CACNA1A: variants seen among roughly 807,000 people sequenced by gnomAD.
The protein encoded by CACNA1A is calcium voltage-gated channel subunit alpha1 A, also known as voltage-dependent P/Q-type calcium channel subunit alpha-1A.
CACNA1A carries 57 observed loss-of-function variants against 262.4 expected under a neutral mutation model. The observed-to-expected ratio is 0.22, with a 90% CI of 0.18 to 0.27. The LOEUF is 0.27. CACNA1A is among the 10% of genes least tolerant of loss of function. CACNA1A has a pLI of 1.00. For synonymous variants in CACNA1A, 1,431 were observed against 1,419.3 expected, an observed-to-expected ratio of 1.01 and a Z score of -0.18; for missense variants, 2,526 against 3,562.8, an observed-to-expected ratio of 0.71 and a Z score of 7.41.
chr19:13,504,751 T>TC (rs1426621179), intron 1 of CACNA1A, among the ~76,000 whole-genome samples: 3 of 151,862 alleles, frequency 2.0e-5, no homozygotes, highest in African/African-American at 7.3e-5. Flanking sequence ...GCAGGGTGTG[T>TC]CCCCCCTCCT....
intron 6 of CACNA1A, among the ~76,000 whole-genome samples, chr19:13,337,083 C>T: frequency 6.6e-6 from 1 of 152,178 alleles, no homozygotes; most frequent in East Asian, 1.9e-4. Flanking sequence ...TCATTACTAC[C>T]AGGTGTCTGT....
At position 13,298,869 on chromosome 19, in the gene CACNA1A, G is replaced by T; in HGVS notation, c.2764C>A (p.Arg922=). 1 of 1,591,230 alleles carries T rather than the reference G, an allele frequency of 6.3e-7. No homozygotes were observed. Among genetic ancestry groups the T allele is most frequent in the Non-Finnish European group, 8.5e-7 (1 of 1,176,774 alleles). Residue 922 remains arginine, a synonymous_variant, in exon 19 of 47, where the codon CGA becomes AGA. Coordinates refer to ENST00000360228, the MANE Select transcript of CACNA1A (RefSeq NM_001127222.2). ...CGGTGGGGGTCCCCGGCCTTGCCTC[G>T]CTCGGCCTCGCCCTCCCAGAACCCG... ...QPGFWEGEAE[R]GKAGDPHRRH...
intron 3 of CACNA1A, among the ~76,000 whole-genome samples, chr19:13,406,783 G>T (rs551635333): frequency 2.0e-5 from 3 of 151,716 alleles, no homozygotes; most frequent in African/African-American, 7.2e-5. Context: ...TAAATAAAAA[G>T]CTAAGCACAA....
At chr19:13,303,088 C>T (rs778704806) in intron 17 of CACNA1A, among the ~76,000 whole-genome samples, 1 of 152,074 alleles carries the variant, frequency 6.6e-6, no homozygotes, top group Admixed American at 6.5e-5. Context: ...AAGGTGGGGA[C>T]ATTTATTGGC....
chr19:13,210,927 G>T (rs2144515615), intron 43 of CACNA1A: 1 of 545,696 alleles, frequency 1.8e-6, no homozygotes. Context: ...AATGGCAGAG[G>T]CATGGGACCG....
intron 46 of CACNA1A, among the ~76,000 whole-genome samples, chr19:13,208,507 C>T (rs1309630163): frequency 4.2e-5 from 1 of 23,578 alleles, no homozygotes; most frequent in Non-Finnish European, 8.6e-5. Flanking sequence ...GAGCAAGCAG[C>T]TGCGGGCGGC....
At chr19:13,471,721 G>A in intron 1 of CACNA1A, among the ~76,000 whole-genome samples, 1 of 152,122 alleles carries the variant, frequency 6.6e-6, no homozygotes, top group East Asian at 1.9e-4. Context: ...GCCAGTATAG[G>A]TAAATCCATA....
Position 13,217,951 on chromosome 19 carries a change from T to TAA in CACNA1A, c.5732-3345_5732-3344dup, listed in dbSNP as rs1491498531. Among the ~76,000 whole-genome samples the TAA allele has an allele frequency of 8.2e-3, 805 of 97,852 alleles. 13 individuals are homozygous for TAA. The highest frequency in any genetic ancestry group is 0.024 in the African/African-American group (591 of 24,284). 64.2% of individuals were successfully genotyped at this position (97,852 alleles called of 152,430 possible). On this transcript the variant is annotated intron_variant, in intron 38 of 46. Transcript: ENST00000360228. Reference sequence around the variant, plus strand: ...TCTTTTTTTTTTTTTTTTTTTTTTTTAAAAAAAAGAGATAGGGTCTCACTA... The same window carrying TAA: ...TCTTTTTTTTTTTTTTTTTTTTTTTTAAAAAAAAAAGAGATAGGGTCTCACTA...
rs1255773868 is a variant in CACNA1A at position 13,241,297 on chromosome 19, C to T, written c.4950+3885G>A. Among the ~76,000 whole-genome samples, 2 of 151,982 alleles carry T rather than the reference C, an allele frequency of 1.3e-5. No homozygotes were observed. Among genetic ancestry groups the T allele is most frequent in the Non-Finnish European group, 2.9e-5 (2 of 67,998 alleles). On this transcript the variant is annotated intron_variant, in intron 31 of 46. Transcript: ENST00000360228. This position sits in a 1 kb window ranked among gnomAD's most constrained non-coding sequence, Gnocchi z 4.0. ...GACGCAAACCACCCCAAACAGAAAA[C>T]CCCCATTCAGAACCCGATAAAAACA...
intron 3 of CACNA1A, among the ~76,000 whole-genome samples, chr19:13,424,223 G>T (rs551473883): frequency 6.6e-6 from 1 of 152,112 alleles, no homozygotes; most frequent in East Asian, 1.9e-4. Context: ...AAACAAAACA[G>T]CTAGGAGTGG....
intron 6 of CACNA1A, among the ~76,000 whole-genome samples, chr19:13,338,907 C>G (rs1002911607): frequency 6.6e-6 from 1 of 152,038 alleles, no homozygotes; most frequent in South Asian, 2.1e-4. Flanking sequence ...ACTCTGTTGC[C>G]GAGGCTGGAG....
chr19:13,228,880 C>T, intron 36 of CACNA1A: 1 of 666,236 alleles, frequency 1.5e-6, no homozygotes. Context: ...ATGCCCGAGG[C>T]TGGGGTGTCC....
At chr19:13,282,175 C>G (rs1222710530) in intron 22 of CACNA1A, among the ~76,000 whole-genome samples, 1 of 152,208 alleles carries the variant, frequency 6.6e-6, no homozygotes, top group Non-Finnish European at 1.5e-5. Context: ...GCCTGCCAGG[C>G]CTGGGAAGGA....
intron 36 of CACNA1A, chr19:13,228,826 G>A (rs753456821): frequency 1.3e-5 from 17 of 1,349,106 alleles, no homozygotes; most frequent in Non-Finnish European, 1.7e-5. Context: ...GTTAGTGCAG[G>A]CAATGGGTTC....
intron 24 of CACNA1A, among the ~76,000 whole-genome samples, chr19:13,263,899 G>A (rs570438471): frequency 2.6e-5 from 4 of 152,200 alleles, no homozygotes; most frequent in African/African-American, 9.6e-5. Flanking sequence ...ATGGGATTCT[G>A]GAAGATACTT....
chr19:13,261,110 C>T (rs1320597880), intron 26 of CACNA1A: 1 of 228,146 alleles, frequency 4.4e-6, no homozygotes, highest in African/African-American at 2.3e-5. Flanking sequence ...GGTGTCATGT[C>T]CCACATGGGA....
intron 3 of CACNA1A, among the ~76,000 whole-genome samples, chr19:13,388,741 A>G (rs2059662411): frequency 1.3e-5 from 2 of 152,016 alleles, no homozygotes; most frequent in African/African-American, 2.4e-5. Flanking sequence ...TCTCCCTCCC[A>G]GAGACAACTG....
At chr19:13,388,074 C>T (rs2144636974) in intron 3 of CACNA1A, among the ~76,000 whole-genome samples, 1 of 151,942 alleles carries the variant, frequency 6.6e-6, no homozygotes, top group African/African-American at 2.4e-5. Flanking sequence ...AAAGTACCTG[C>T]CTCTTACAGA....
chr19:13,236,289 C>T lies in CACNA1A; in HGVS notation c.4951-559G>A, dbSNP rs1041591029. On this transcript the variant is annotated intron_variant, in intron 31 of 46. Coordinates refer to ENST00000360228, the MANE Select transcript of CACNA1A (RefSeq NM_001127222.2). The surrounding 1 kb of genome is among the most constrained non-coding windows in gnomAD (Gnocchi z 4.6). ...CGGGTTCCGAGGGCATGTTACGCTC[C>T]GGGCCAGAAATGCATCTGTCACGGG... Among the ~76,000 whole-genome samples the T allele has an allele frequency of 3.9e-5, 6 of 152,130 alleles. No individual in the cohort carries two copies. Among genetic ancestry groups the T allele is most frequent in the Non-Finnish European group, 7.4e-5 (5 of 68,018 alleles).
Sources: gnomAD v4.1 joint callset for allele counts (sites outside exome capture counted in the v4.1 genomes callset) on GRCh38, gnomAD v4.1.1 for gene constraint, Gnocchi (gnomAD v3.1) non-coding constraint, MANE v1.5 for transcripts, NCBI Gene and HGNC (gene_info 2026-07-23, HGNC 2026-07-21) for gene names.